TBCD: variants seen among roughly 807,000 people sequenced by gnomAD.
TBCD encodes the protein tubulin folding cofactor D, also known as tubulin-specific chaperone D.
Under a neutral mutation model 169.3 loss-of-function variants are expected in TBCD, and 105 were observed. That is an observed-to-expected ratio of 0.62 (90% CI 0.53 to 0.73). The LOEUF (loss-of-function observed/expected upper bound fraction) is 0.73. TBCD is among the 30% of genes least tolerant of loss of function. The probability of loss-of-function intolerance (pLI) is 0.00; values close to 1 mark genes in which losing one functional copy is unlikely to be tolerated. For synonymous variants in TBCD, 700 were observed against 643.9 expected (o/e 1.09, Z -1.32); for missense variants, 1,444 against 1,600.1 (o/e 0.90, Z 1.66).
chr17:82,889,778 T>A lies in TBCD; in HGVS notation c.1563+81T>A. The A allele has an allele frequency of 6.5e-7, 1 of 1,535,738 alleles. No individual in the cohort carries two copies. The highest frequency in any genetic ancestry group is 8.9e-7 in the Non-Finnish European group (1 of 1,117,554). ...GGAATCTTGAGAGCTATAACCCTGGTGTCTTCTCGCACTGTGAGATGTGGT... is the reference window on the plus strand; with the variant it reads ...GGAATCTTGAGAGCTATAACCCTGGAGTCTTCTCGCACTGTGAGATGTGGT... On this transcript the variant is annotated intron_variant, in intron 16 of 38. Coordinates refer to ENST00000355528, the MANE Select transcript of TBCD (RefSeq NM_005993.5). The surrounding 1 kb of genome is among the most constrained non-coding windows in gnomAD (Gnocchi z 5.3).
intron 15 of TBCD, among the ~76,000 whole-genome samples, chr17:82,887,175 G>GCGCA (rs1211590857): frequency 5.8e-5 from 4 of 68,786 alleles, no homozygotes; most frequent in African/African-American, 3.8e-4. Context: ...GTGTGCGCGC[G>GCGCA]CGCGCACGTG....
At chr17:82,780,885 A>G (rs2144277901) in intron 6 of TBCD, among the ~76,000 whole-genome samples, 1 of 151,834 alleles carries the variant, frequency 6.6e-6, no homozygotes, top group East Asian at 2.0e-4. Context: ...TGACCTCGTG[A>G]TCCGCCCTCC....
At position 82,805,967 on chromosome 17, in the gene TBCD, A is replaced by G; in HGVS notation, c.1043A>G (p.Asp348Gly). The G allele has an allele frequency of 6.2e-7, 1 of 1,613,544 alleles. No homozygotes were observed. Among genetic ancestry groups the G allele is most frequent in the South Asian group, 1.1e-5 (1 of 91,064 alleles). ...EQKPLILTED[D>G]DEDDDVPEGV... is the part of the protein sequence containing the mutation. ...AAGCCACTCATCCTGACCGAAGATGACGACGAAGATGACGACGTCCCAGAG... is the reference window on the plus strand; with the variant it reads ...AAGCCACTCATCCTGACCGAAGATGGCGACGAAGATGACGACGTCCCAGAG... Residue 348 changes from aspartate to glycine, a missense_variant, in exon 10 of 39, where the codon GAC (aspartate) becomes GGC (glycine). Coordinates refer to ENST00000355528, the MANE Select transcript of TBCD (RefSeq NM_005993.5).
At chr17:82,940,221 G>GCGCGCACACACACA (rs1356825330) in intron 37 of TBCD, among the ~76,000 whole-genome samples, 55 of 131,808 alleles carry the variant, frequency 4.2e-4, no homozygotes, top group Admixed American at 4.1e-3. Flanking sequence ...TTGCACGCGC[G>GCGCGCACACACACA]CACACACACA....
intron 13 of TBCD, among the ~76,000 whole-genome samples, chr17:82,815,646 A>C (rs1481431708): frequency 6.6e-6 from 1 of 152,232 alleles, no homozygotes; most frequent in Non-Finnish European, 1.5e-5. Context: ...GAGGGCAGGA[A>C]GGAAAGGATG....
Position 82,926,435 on chromosome 17 carries a change from C to T in TBCD, c.2415C>T (p.Ser805=), listed in dbSNP as rs1241372325. 2.5e-6 allele frequency: 4 copies of T among 1,614,022 alleles called. No homozygotes were observed. The highest frequency in any genetic ancestry group is 2.2e-5 in the East Asian group (1 of 44,882). The change falls in exon 28 of 39, where the codon TCC becomes TCT. Residue 805 remains serine, a synonymous_variant. Transcript: ENST00000355528. ...LTGLRAVTHT[S]PEDVSFAESR... ...GTTTAAGAGCAGTTACCCACACTTCCCCCGAGGACGTAAGTTTTGCTGAGT... is the reference window on the plus strand; with the variant it reads ...GTTTAAGAGCAGTTACCCACACTTCTCCCGAGGACGTAAGTTTTGCTGAGT...
At chr17:82,847,027 CA>C (rs2055186106) in intron 13 of TBCD, among the ~76,000 whole-genome samples, 1 of 152,204 alleles carries the variant, frequency 6.6e-6, no homozygotes, top group African/African-American at 2.4e-5. Context: ...CCATTTTCTA[CA>C]GGTGGCCGAG....
chr17:82,830,179 C>G, intron 13 of TBCD: 5 of 1,614,226 alleles, frequency 3.1e-6, no homozygotes, highest in Non-Finnish European at 4.2e-6. Context: ...TGTGAACACT[C>G]TGGCCGTGTC....
At chr17:82,752,419 G>A (rs1034768620) in intron 1 of TBCD, 42 bp downstream of exon 1, 70 of 1,195,128 alleles carry the variant, frequency 5.9e-5, no homozygotes, top group Non-Finnish European at 7.0e-5. Context: ...CCCCCGGCCC[G>A]GGTTCGGCGC....
intron 5 of TBCD, among the ~76,000 whole-genome samples, chr17:82,771,923 CAAA>C (rs33998188): frequency 7.1e-6 from 1 of 140,074 alleles, no homozygotes. Flanking sequence ...GACTCCGTCT[CAAA>C]AAAAAAAAAC....
At chr17:82,758,979 A>G (rs1243277134) in intron 2 of TBCD, among the ~76,000 whole-genome samples, 2 of 150,892 alleles carry the variant, frequency 1.3e-5, no homozygotes, top group East Asian at 3.9e-4. Flanking sequence ...GCCTTTTAAT[A>G]TTGTGTCTGG....
intron 7 of TBCD, among the ~76,000 whole-genome samples, chr17:82,786,344 G>A (rs1482320532): frequency 3.9e-5 from 6 of 152,252 alleles, no homozygotes; most frequent in Non-Finnish European, 8.8e-5. Flanking sequence ...TGTGACCAGA[G>A]CTGGTTGTCT....
At chr17:82,803,756 A>G (rs1175375953) in intron 9 of TBCD, among the ~76,000 whole-genome samples, 3 of 151,950 alleles carry the variant, frequency 2.0e-5, no homozygotes, top group African/African-American at 7.3e-5. Context: ...GCATGTGTAG[A>G]AGCAGCCTGA....
intron 13 of TBCD, among the ~76,000 whole-genome samples, chr17:82,837,015 C>G (rs1399139812): frequency 6.6e-6 from 1 of 152,140 alleles, no homozygotes; most frequent in Non-Finnish European, 1.5e-5. Flanking sequence ...TTTTAGTAAC[C>G]TTGGATAAAC....
chr17:82,831,909 C>T lies in TBCD; in HGVS notation c.1318+16975C>T. ...CCTTGGCAGTGGGGTTGTGTAAAGC[C>T]AGTGTCTCGGGCGCCTCGGCGTTGT... On this transcript the variant is annotated intron_variant, in intron 13 of 38. Transcript: ENST00000355528. The surrounding 1 kb of genome is among the most constrained non-coding windows in gnomAD (Gnocchi z 4.6). The T allele has an allele frequency of 3.1e-6, 5 of 1,614,174 alleles. No individual in the cohort carries two copies. Among genetic ancestry groups the T allele is most frequent in the Non-Finnish European group, 4.2e-6 (5 of 1,180,038 alleles).
chr17:82,930,885 G>A lies in TBCD; in HGVS notation c.3113+242G>A, dbSNP rs181046848. The stretch of plus-strand genomic sequence containing the variant: ...CTCCACATGAGGCAGGGAAATGACC[G>A]TTGTGTGTACAATGGACGTAAAGGT... On this transcript the variant is annotated intron_variant, in intron 33 of 38. Transcript: ENST00000355528. This position sits in a 1 kb window ranked among gnomAD's most constrained non-coding sequence, Gnocchi z 5.2. Among the ~76,000 whole-genome samples the A allele has an allele frequency of 3.9e-5, 6 of 152,324 alleles. No individual in the cohort carries two copies. The highest frequency in any genetic ancestry group is 1.9e-4 in the East Asian group (1 of 5,184).
At chr17:82,809,908 C>T (rs1409457269) in intron 12 of TBCD, 126 bp downstream of exon 12, 11 of 816,500 alleles carry the variant, frequency 1.3e-5, no homozygotes, top group South Asian at 1.2e-4. Flanking sequence ...GCTCTTTTTT[C>T]CCCCTTTTGA....
chr17:82,912,131 G>C (rs570313463), intron 23 of TBCD, among the ~76,000 whole-genome samples: 1 of 152,218 alleles, frequency 6.6e-6, no homozygotes, highest in Non-Finnish European at 1.5e-5. Context: ...AGATCCCTCC[G>C]AGCACGGCCC....
At position 82,930,467 on chromosome 17, in the gene TBCD, G is replaced by A. The variant is rs1300404721; in HGVS notation, c.2992-55G>A. ...TGCTTGACCGGCTGTAGCCAAGCCT[G>A]AGGGGTGGCAGGCTCGGGGGTCCCA... is the stretch of plus-strand genomic sequence containing the variant. On this transcript the variant is annotated intron_variant, in intron 32 of 38. Coordinates refer to ENST00000355528, the MANE Select transcript of TBCD (RefSeq NM_005993.5). The surrounding 1 kb of genome is among the most constrained non-coding windows in gnomAD (Gnocchi z 5.2). 11 of 1,594,768 alleles carry A rather than the reference G, an allele frequency of 6.9e-6. No homozygotes were observed. The highest frequency in any genetic ancestry group is 1.3e-5 in the African/African-American group (1 of 74,624).
Sources: gnomAD v4.1 joint callset for allele counts (sites outside exome capture counted in the v4.1 genomes callset) on GRCh38, gnomAD v4.1.1 for gene constraint, Gnocchi (gnomAD v3.1) non-coding constraint, MANE v1.5 for transcripts, NCBI Gene and HGNC (gene_info 2026-07-23, HGNC 2026-07-21) for gene names.